LIMA1: variants seen among roughly 807,000 people sequenced by gnomAD.
The protein encoded by LIMA1 is LIM domain and actin-binding protein 1.
In LIMA1, 52 loss-of-function variants were observed where a neutral mutation model predicts 62.6. That is an observed-to-expected ratio of 0.83 (90% CI 0.67 to 1.05). The LOEUF is 1.05. Among genes scored for constraint, LIMA1 ranks in the 50% least tolerant of loss-of-function variants. LIMA1 has a pLI of 0.00. For synonymous variants in LIMA1, 302 were observed against 317.8 expected, an observed-to-expected ratio of 0.95 and a Z score of 0.53; for missense variants, 780 against 902.2, an observed-to-expected ratio of 0.86 and a Z score of 1.74.
intron 2 of LIMA1, among the ~76,000 whole-genome samples, chr12:50,232,599 G>A (rs529918271): frequency 7.7e-4 from 117 of 152,186 alleles, no homozygotes; most frequent in Middle Eastern, 6.8e-3. Context: ...AAACTCCTGA[G>A]TTTAAGTGAT....
intron 1 of LIMA1, among the ~76,000 whole-genome samples, chr12:50,275,601 T>C (rs889210422): frequency 2.6e-5 from 4 of 152,204 alleles, no homozygotes; most frequent in African/African-American, 9.6e-5. Flanking sequence ...AAGGCTTTTT[T>C]TTATTAAAAA....
chr12:50,266,857 G>A (rs1592566859), intron 1 of LIMA1, among the ~76,000 whole-genome samples: 1 of 152,084 alleles, frequency 6.6e-6, no homozygotes. Context: ...GAGTGAGGTT[G>A]AGCATATTTT....
At chr12:50,247,921 G>A (rs1294352126) in intron 2 of LIMA1, among the ~76,000 whole-genome samples, 2 of 152,050 alleles carry the variant, frequency 1.3e-5, no homozygotes, top group East Asian at 1.9e-4. Flanking sequence ...GAGCCACCGC[G>A]CCTGACCGGA....
chr12:50,259,749 A>G (rs981284915), intron 1 of LIMA1, among the ~76,000 whole-genome samples: 1 of 152,182 alleles, frequency 6.6e-6, no homozygotes, highest in African/African-American at 2.4e-5. Context: ...TATGTGTAGA[A>G]ACATGAATCT....
At chr12:50,255,301 T>A (rs563701114) in intron 1 of LIMA1, among the ~76,000 whole-genome samples, 1 of 151,740 alleles carries the variant, frequency 6.6e-6, no homozygotes, top group South Asian at 2.1e-4. Flanking sequence ...ATGCCTGTAA[T>A]CCCAGCACTT....
At chr12:50,253,801 G>A (rs1261377334) in intron 1 of LIMA1, among the ~76,000 whole-genome samples, 2 of 151,494 alleles carry the variant, frequency 1.3e-5, no homozygotes, top group African/African-American at 2.4e-5. Flanking sequence ...TGAGGCAGGC[G>A]GATCACCTGA....
At chr12:50,197,349 C>T (rs901290570) in intron 7 of LIMA1, among the ~76,000 whole-genome samples, 3 of 151,342 alleles carry the variant, frequency 2.0e-5, no homozygotes, top group Admixed American at 6.6e-5. Flanking sequence ...GGATTACAGG[C>T]GTGAGCCACC....
Position 50,206,087 on chromosome 12 carries a change from C to A in LIMA1, c.631-19G>T. ...GGAGAATCTGGAAAACGAAACCCAA[C>A]GATAAGTTTTGCAGAAACAATGGGA... On this transcript the variant is annotated intron_variant, in intron 4 of 10. Transcript: ENST00000341247. The A allele has an allele frequency of 6.2e-7, 1 of 1,606,562 alleles. No individual in the cohort carries two copies. Among genetic ancestry groups the A allele is most frequent in the Non-Finnish European group, 8.5e-7 (1 of 1,174,582 alleles).
chr12:50,233,811 C>T (rs554527139), intron 2 of LIMA1, among the ~76,000 whole-genome samples: 1 of 152,262 alleles, frequency 6.6e-6, no homozygotes, highest in South Asian at 2.1e-4. Context: ...AGGCTTGAGC[C>T]ACAGCACACA....
At chr12:50,179,393 G>A (rs1296685212) in intron 10 of LIMA1, among the ~76,000 whole-genome samples, 1 of 151,128 alleles carries the variant, frequency 6.6e-6, no homozygotes, top group Non-Finnish European at 1.5e-5. Flanking sequence ...GCCCGCCTCG[G>A]CCTCCCAAAG....
At chr12:50,185,418 G>GAAATTAGGT (rs1441016336) in intron 9 of LIMA1, 1 of 456,198 alleles carries the variant, frequency 2.2e-6, no homozygotes, top group Admixed American at 2.3e-5. Context: ...GGCAGGAGCA[G>GAAATTAGGT]AAATTAGGTA....
chr12:50,268,682 T>C (rs1361974759), intron 1 of LIMA1, among the ~76,000 whole-genome samples: 1 of 151,946 alleles, frequency 6.6e-6, no homozygotes, highest in African/African-American at 2.4e-5. Context: ...CAAGCGATCC[T>C]CCCACCTTGG....
intron 9 of LIMA1, chr12:50,185,661 G>A (rs1940614699): frequency 2.8e-6 from 1 of 358,200 alleles, no homozygotes; most frequent in Non-Finnish European, 5.5e-6. Flanking sequence ...TCAGGAGAGC[G>A]AGCTTTTATG....
intron 1 of LIMA1, among the ~76,000 whole-genome samples, chr12:50,259,484 G>A (rs1253660788): frequency 6.6e-6 from 1 of 152,076 alleles, no homozygotes; most frequent in African/African-American, 2.4e-5. Flanking sequence ...AATTAGTACA[G>A]AAACTGAATG....
In LIMA1 at chr12:50,177,907, G is replaced by C; in HGVS notation, c.1437C>G (p.Ala479=). ...GGGTCTCCCTTGCATTTGCAAGCTGGGCTGGTCTCTCCAAAATCTCTTCGT... is the reference window on the plus strand; with the variant it reads ...GGGTCTCCCTTGCATTTGCAAGCTGCGCTGGTCTCTCCAAAATCTCTTCGT... The part of the protein sequence containing the change: ...NENEEILERP[A]QLANARETPH... The change falls in exon 11 of 11, where the codon GCC becomes GCG. Residue 479 remains alanine, a synonymous_variant. Transcript: ENST00000341247. 6.2e-7 allele frequency: 1 copy of C among 1,613,984 alleles called. No homozygotes were observed.
intron 3 of LIMA1, chr12:50,224,236 T>C (rs1941493400): frequency 6.6e-6 from 1 of 152,114 alleles, no homozygotes. Context: ...TTAGCAGCTA[T>C]TTTGGGAATT....
intron 9 of LIMA1, among the ~76,000 whole-genome samples, chr12:50,192,068 G>A (rs1400866587): frequency 7.3e-5 from 11 of 150,628 alleles, no homozygotes; most frequent in Non-Finnish European, 1.0e-4. Context: ...ATGGGGGGGC[G>A]GAGGTTACAG....
At chr12:50,251,491 C>A (rs76011884) in intron 1 of LIMA1, among the ~76,000 whole-genome samples, 237 of 151,870 alleles carry the variant, frequency 1.6e-3, no homozygotes, top group African/African-American at 5.6e-3. Context: ...TGTGGTGGTA[C>A]ACCCCTGTAA....
chr12:50,227,987 G>A (rs1941557751), intron 3 of LIMA1, among the ~76,000 whole-genome samples: 1 of 151,656 alleles, frequency 6.6e-6, no homozygotes, highest in South Asian at 2.1e-4. Context: ...AGCCTCCCGA[G>A]TAGCTAGGAC....
Sources: gnomAD v4.1 joint callset for allele counts (sites outside exome capture counted in the v4.1 genomes callset) on GRCh38, gnomAD v4.1.1 for gene constraint, MANE v1.5 for transcripts, NCBI Gene and HGNC (gene_info 2026-07-23, HGNC 2026-07-21) for gene names.